Variants in NEB observed in about 807,000 individuals in gnomAD.
NEB encodes nemaline myopathy type 2.
In NEB, 512 loss-of-function variants were observed where a neutral mutation model predicts 952.2. That is an observed-to-expected ratio of 0.54 (90% confidence interval 0.50 to 0.58). NEB has a LOEUF of 0.58. Among genes scored for constraint, NEB ranks in the 20% least tolerant of loss-of-function variants. The pLI is 0.00. For missense variants in NEB, 8,428 were observed against 9,231.1 expected (o/e 0.91, Z 3.56); for synonymous variants, 2,900 against 3,149.8 (o/e 0.92, Z 2.66).
chr2:151,643,721 G>A (rs2098917565), intron 57 of NEB, 97 bp downstream of exon 57: 4 of 1,530,480 alleles, frequency 2.6e-6, no homozygotes, highest in Non-Finnish European at 3.5e-6. Context: ...ATTAGTCCAG[G>A]GTAATTGTGT....
rs757361284 is a variant in NEB at position 151,694,636 on chromosome 2, A to G, written c.1675-7T>C. The G allele has an allele frequency of 3.8e-6, 6 of 1,568,268 alleles. No homozygotes were observed. In the South Asian group the frequency reaches 7.0e-5, roughly 18 times the overall value. On this transcript the variant is annotated splice_polypyrimidine_tract_variant and splice_region_variant and intron_variant, in intron 18 of 181. Transcript: ENST00000397345. Reference sequence around the variant, plus strand: ...AGTCTTGCTTATAAAGATTCTGGACAAAAAAATTCAGCAAAGGAATTGGCA... The same window carrying G: ...AGTCTTGCTTATAAAGATTCTGGACGAAAAAATTCAGCAAAGGAATTGGCA...
In NEB at chr2:151,562,751, T is replaced by C. The variant is rs749383803; in HGVS notation, c.18751A>G (p.Met6251Val). The C allele has an allele frequency of 5.0e-6, 8 of 1,599,372 alleles. No homozygotes were observed. The highest frequency in any genetic ancestry group is 6.8e-6 in the Non-Finnish European group (8 of 1,172,338). Residue 6251 changes from methionine to valine, a missense_variant, in exon 120 of 182, where the codon ATG (methionine) becomes GTG (valine). By Grantham distance (21) the Met-to-Val change is conservative. Coordinates refer to ENST00000397345, the MANE Select transcript of NEB (RefSeq NM_001164508.2). ...CTTTTAGCCAGCACGTGATTCATCA[T>C]GTCATTGGGGATATGAACATTTGCT... ...TKANVHIPND[M>V]MNHVLAKRCQ...
chr2:151,688,530 G>C (rs187744672), intron 24 of NEB, 134 bp from the exon 25 acceptor site: 9 of 691,160 alleles, frequency 1.3e-5, no homozygotes, highest in Non-Finnish European at 2.0e-5. Context: ...TCAAAGTCTC[G>C]CACAGGATTC....
chr2:151,682,786 A>C lies in NEB; in HGVS notation c.2836-17T>G, dbSNP rs757488944. 6.3e-7 allele frequency: 1 copy of C among 1,594,330 alleles called. No individual in the cohort carries two copies. The highest frequency in any genetic ancestry group is 1.7e-5 in the Admixed American group (1 of 59,146). On this transcript the variant is annotated splice_polypyrimidine_tract_variant and intron_variant, in intron 28 of 181. Transcript: ENST00000397345. ...GTATTCAACCTAAAACACCAAGAGA[A>C]AGGTTACATTTCTTTGCTGTGTCAT... is the stretch of plus-strand genomic sequence containing the variant.
At chr2:151,627,259 T>C in intron 69 of NEB, 54 bp from the exon 70 acceptor site, 2 of 1,556,432 alleles carry the variant, frequency 1.3e-6, no homozygotes, top group South Asian at 2.4e-5. Context: ...TAACATGATT[T>C]CAAAAATAAA....
chr2:151,556,549 C>T (rs2095656214), intron 124 of NEB, among the ~76,000 whole-genome samples: 1 of 152,030 alleles, frequency 6.6e-6, no homozygotes, highest in Non-Finnish European at 1.5e-5. Context: ...ATAAAGCTTA[C>T]AGGGAATTTT....
Position 151,697,658 on chromosome 2 carries a change from A to G in NEB, c.1153-10T>C. ...TTTCCTTGTATAGTTTCTGTCAAAG[A>G]AAAAAAATTCAGTTAAAGTAGATTC... On this transcript the variant is annotated splice_polypyrimidine_tract_variant and intron_variant, in intron 13 of 181. Coordinates refer to ENST00000397345, the MANE Select transcript of NEB (RefSeq NM_001164508.2). 1 of 1,574,852 alleles carries G rather than the reference A, an allele frequency of 6.3e-7. No individual in the cohort carries two copies. Among genetic ancestry groups the G allele is most frequent in the Non-Finnish European group, 8.6e-7 (1 of 1,158,176 alleles).
chr2:151,706,261 C>T (rs1267070077), intron 13 of NEB, among the ~76,000 whole-genome samples: 1 of 152,156 alleles, frequency 6.6e-6, no homozygotes, highest in Non-Finnish European at 1.5e-5. Flanking sequence ...CAGACAGCTA[C>T]ATAAAATCCA....
chr2:151,666,438 C>T (rs746416581), intron 40 of NEB, 37 bp from the exon 41 acceptor site: 10 of 1,584,480 alleles, frequency 6.3e-6, no homozygotes, highest in Non-Finnish European at 8.6e-6. Flanking sequence ...AGTTGGCTAG[C>T]ATAGAAGTCT....
chr2:151,577,218 C>G (rs1176976324), intron 105 of NEB, among the ~76,000 whole-genome samples: 1 of 152,186 alleles, frequency 6.6e-6, no homozygotes, highest in African/African-American at 2.4e-5. Flanking sequence ...ACATCAAAAT[C>G]CCTGACACAG....
intron 54 of NEB, among the ~76,000 whole-genome samples, chr2:151,646,710 C>T (rs942032331): frequency 2.0e-5 from 3 of 151,648 alleles, no homozygotes; most frequent in East Asian, 2.0e-4. Context: ...AGTGCAATGG[C>T]GCAATCATGG....
Position 151,688,423 on chromosome 2 carries a change from T to C in NEB, c.2311-27A>G, listed in dbSNP as rs370443685. 6 of 1,566,798 alleles carry C rather than the reference T, an allele frequency of 3.8e-6. No homozygotes were observed. In the African/African-American group the frequency reaches 5.4e-5, roughly 14 times the overall value. On this transcript the variant is annotated intron_variant, in intron 24 of 181. Transcript: ENST00000397345. ...TGAAAAACAAAGGATATTTGAACGG[T>C]TCAGGGGAACTTCTTTGAATTTATT...
intron 9 of NEB, among the ~76,000 whole-genome samples, chr2:151,722,361 G>A (rs1056262501): frequency 3.3e-5 from 5 of 152,110 alleles, no homozygotes; most frequent in Admixed American, 3.3e-4. Context: ...TCAAGCCTAA[G>A]GACTCTGTTA....
chr2:151,642,927 A>G, intron 58 of NEB, 58 bp from the exon 59 acceptor site: 3 of 1,372,408 alleles, frequency 2.2e-6, no homozygotes, highest in Non-Finnish European at 3.0e-6. Context: ...ACACATGCAG[A>G]CAGTCTGATT....
Position 151,687,633 on chromosome 2 carries a change from G to C in NEB, c.2516C>G (p.Thr839Ser). 1 of 1,612,792 alleles carries C rather than the reference G, an allele frequency of 6.2e-7. No individual in the cohort carries two copies. The highest frequency in any genetic ancestry group is 8.5e-7 in the Non-Finnish European group (1 of 1,179,190). Reference sequence around the variant, plus strand: ...TCCCCAGGCCACACTCACATCGCTGGTGTTCTTGGTGTTGGCTTTGGCTGC... The same window carrying C: ...TCCCCAGGCCACACTCACATCGCTGCTGTTCTTGGTGTTGGCTTTGGCTGC... ...LLAAKANTKN[T>S]SDVMYKKDYE... Residue 839 changes from threonine (T) to serine (S), a missense_variant, in exon 26 of 182, where the codon ACC (threonine) becomes AGC (serine). By Grantham distance (58) the Thr-to-Ser change is moderately conservative (BLOSUM62 1). Around this residue, in one of 11 missense-constraint regions of NEB, gnomAD observed 2,851 missense variants for 2,791.5 expected, o/e 1.02. Coordinates refer to ENST00000397345, the MANE Select transcript of NEB (RefSeq NM_001164508.2).
intron 36 of NEB, among the ~76,000 whole-genome samples, chr2:151,673,064 G>A (rs1414700813): frequency 6.6e-6 from 1 of 152,184 alleles, no homozygotes; most frequent in African/African-American, 2.4e-5. Flanking sequence ...ATGAGTACCA[G>A]CTATAGGATA....
At chr2:151,614,673 C>T in intron 76 of NEB, 86 bp from the exon 77 acceptor site, 1 of 1,417,542 alleles carries the variant, frequency 7.1e-7, no homozygotes, top group Non-Finnish European at 9.6e-7. Flanking sequence ...GTTTCTTTTT[C>T]TTTTCCCCAA....
In NEB at chr2:151,692,988, G is replaced by GA. The variant is rs550442008; in HGVS notation, c.1897-627dup. ...CTGTCTCAAAAAACAAAGAAGGAAA[G>GA]AAAAATGAGTTTAAGAATTGATGCA... On this transcript the variant is annotated intron_variant, in intron 20 of 181. Transcript: ENST00000397345. Among the ~76,000 whole-genome samples, 16 of 152,128 alleles carry GA rather than the reference G, an allele frequency of 1.1e-4. No individual in the cohort carries two copies. In the East Asian group the frequency reaches 3.1e-3, roughly 29 times the overall value.
chr2:151,592,190 C>A (rs1310329167), intron 94 of NEB, 52 bp from the exon 95 acceptor site: 1 of 1,546,326 alleles, frequency 6.5e-7, no homozygotes, highest in Non-Finnish European at 8.7e-7. Context: ...AAGTCAATTA[C>A]CACATAAATA....
Sources: allele counts gnomAD v4.1 joint callset (sites outside exome capture counted in the v4.1 genomes callset), GRCh38; gene constraint gnomAD v4.1.1; regional missense constraint gnomAD v4.1.1; transcripts MANE v1.5; gene names NCBI Gene and HGNC (gene_info 2026-07-23, HGNC 2026-07-21).